TASP1: variants seen among roughly 807,000 people sequenced by gnomAD.
TASP1 encodes taspase 1.
A neutral mutation model predicts 56.6 loss-of-function variants in TASP1; 16 were observed. The ratio of observed to expected loss-of-function variants is 0.28; its 90% CI spans 0.19 to 0.43. TASP1 has a LOEUF of 0.43. TASP1 is among the 20% of genes least tolerant of loss of function. TASP1 has a pLI of 1.00. For missense variants in TASP1, 393 were observed against 511.6 expected (o/e 0.77, Z 2.24); for synonymous variants, 179 against 184.2 (o/e 0.97, Z 0.23).
At chr20:13,475,819 C>T (rs2044705080) in intron 11 of TASP1, among the ~76,000 whole-genome samples, 1 of 151,894 alleles carries the variant, frequency 6.6e-6, no homozygotes. Flanking sequence ...TCACTTGAAC[C>T]CTGGAGGCGG....
At chr20:13,400,841 A>T (rs756285473) in intron 13 of TASP1, among the ~76,000 whole-genome samples, 1 of 152,240 alleles carries the variant, frequency 6.6e-6, no homozygotes, top group Non-Finnish European at 1.5e-5. Context: ...CATACATTGT[A>T]ACTATCACAA....
chr20:13,453,748 C>T (rs1385779576), intron 11 of TASP1, among the ~76,000 whole-genome samples: 2 of 152,014 alleles, frequency 1.3e-5, no homozygotes, highest in African/African-American at 4.8e-5. Flanking sequence ...CTGATGGTCC[C>T]AGGTCACAGG....
At position 13,390,275 on chromosome 20, in the gene TASP1, G is replaced by T; in HGVS notation, c.*85C>A. ...GCAATAGGAATTATAAAACAAGAAA[G>T]ATAAAACAACCAACTTCAGTTAAAA... On this transcript the variant is annotated 3_prime_UTR_variant, in exon 14 of 14. Transcript: ENST00000337743. 8.0e-7 allele frequency: 1 copy of T among 1,245,508 alleles called. No individual in the cohort carries two copies. The highest frequency in any genetic ancestry group is 1.1e-6 in the Non-Finnish European group (1 of 871,666). 77.2% of individuals were successfully genotyped at this position (1,245,508 alleles called of 1,614,324 possible). A position where few individuals can be genotyped will look rare whatever the true frequency, so the allele number is the denominator to read the frequency against.
chr20:13,404,486 G>A (rs2041846683), intron 13 of TASP1, among the ~76,000 whole-genome samples: 1 of 152,140 alleles, frequency 6.6e-6, no homozygotes, highest in African/African-American at 2.4e-5. Context: ...TGTACCTATA[G>A]TCTTAGCTAC....
chr20:13,267,151 A>G, the TASP1 span, among the ~76,000 whole-genome samples: 49 of 152,148 alleles, frequency 3.2e-4, no homozygotes, highest in Non-Finnish European at 6.0e-4. Context: ...CAATTTCTTA[A>G]CAGCTTGGGG....
intron 10 of TASP1, among the ~76,000 whole-genome samples, chr20:13,494,469 AAACTT>A (rs2043649269): frequency 6.6e-6 from 1 of 152,208 alleles, no homozygotes; most frequent in South Asian, 2.1e-4. Context: ...CAATTATAGA[AAACTT>A]AATTTTTTTA....
At chr20:13,137,982 C>G in the TASP1 span, among the ~76,000 whole-genome samples, 1 of 152,154 alleles carries the variant, frequency 6.6e-6, no homozygotes, top group Non-Finnish European at 1.5e-5. Flanking sequence ...GGACTCAGAA[C>G]AGCTTGGGGA....
rs546131577 is a variant in TASP1, at chr20:13,622,960, T to C, written c.282+486A>G. On this transcript the variant is annotated intron_variant, in intron 4 of 13. Coordinates refer to ENST00000337743, the MANE Select transcript of TASP1 (RefSeq NM_017714.3). ...AGCCTCCCCACTCAATTATTCGATG[T>C]CCACAGTAAACTGGGGACAAACCTA... Among the ~76,000 whole-genome samples, 4 of 152,236 alleles carry C rather than the reference T, an allele frequency of 2.6e-5. No homozygotes were observed. In the South Asian group the frequency reaches 8.3e-4, roughly 32 times the overall value.
the TASP1 span, among the ~76,000 whole-genome samples, chr20:13,331,662 T>G: frequency 6.8e-6 from 1 of 147,642 alleles, no homozygotes; most frequent in Non-Finnish European, 1.5e-5. Flanking sequence ...GTTTTGGGGG[T>G]TTTTTTGTGG....
At chr20:13,131,179 G>T in the TASP1 span, among the ~76,000 whole-genome samples, 1 of 152,086 alleles carries the variant, frequency 6.6e-6, no homozygotes, top group African/African-American at 2.4e-5. Flanking sequence ...TTAAATCTTC[G>T]ATGTATATTT....
chr20:13,619,037 G>A (rs1206939556), intron 4 of TASP1, among the ~76,000 whole-genome samples: 24 of 152,028 alleles, frequency 1.6e-4, no homozygotes, highest in Admixed American at 1.6e-3. Context: ...ACAATGCCCA[G>A]CTAAATTTTG....
the TASP1 span, among the ~76,000 whole-genome samples, chr20:13,335,324 G>GCA: frequency 0.053 from 7,478 of 141,534 alleles, 197 homozygotes; most frequent in Non-Finnish European, 0.064. Flanking sequence ...CCTCACCTAT[G>GCA]CACACACACA....
intron 8 of TASP1, among the ~76,000 whole-genome samples, chr20:13,557,274 A>G (rs2046188883): frequency 6.6e-6 from 1 of 152,224 alleles, no homozygotes; most frequent in South Asian, 2.1e-4. Context: ...TTAATCAGTA[A>G]TAAAAAAGAA....
chr20:13,523,073 G>A (rs978783156), intron 10 of TASP1, among the ~76,000 whole-genome samples: 2 of 152,120 alleles, frequency 1.3e-5, no homozygotes, highest in African/African-American at 4.8e-5. Flanking sequence ...AGTCCTGACT[G>A]AAGTAGAATA....
At chr20:13,434,659 A>C (rs1156340831) in intron 12 of TASP1, among the ~76,000 whole-genome samples, 1 of 152,120 alleles carries the variant, frequency 6.6e-6, no homozygotes, top group Non-Finnish European at 1.5e-5. Flanking sequence ...GTAGCTCTTC[A>C]CATGCTTCTC....
chr20:13,405,543 T>C (rs6109860), intron 13 of TASP1, among the ~76,000 whole-genome samples: 2,538 of 152,162 alleles, frequency 0.017, 73 homozygotes, highest in African/African-American at 0.056. Context: ...GTTTATTTAA[T>C]TTAATTAATT....
chr20:13,523,271 C>A (rs1466956151), intron 10 of TASP1, among the ~76,000 whole-genome samples: 1 of 152,156 alleles, frequency 6.6e-6, no homozygotes, highest in South Asian at 2.1e-4. Flanking sequence ...CTGTGACACA[C>A]AGAGTACAAG....
intron 12 of TASP1, among the ~76,000 whole-genome samples, chr20:13,427,714 C>T (rs140270061): frequency 5.1e-4 from 78 of 152,106 alleles, no homozygotes; most frequent in African/African-American, 1.8e-3. Context: ...GGTGGCAGGT[C>T]CACAGGTGTT....
chr20:13,189,555 G>C, the TASP1 span, among the ~76,000 whole-genome samples: 1 of 151,994 alleles, frequency 6.6e-6, no homozygotes, highest in African/African-American at 2.4e-5. Context: ...ATGAAAAAAC[G>C]CTCAACATCA....
Sources: allele counts gnomAD v4.1 joint callset (sites outside exome capture counted in the v4.1 genomes callset), GRCh38; gene constraint gnomAD v4.1.1; transcripts MANE v1.5; gene names NCBI Gene and HGNC (gene_info 2026-07-23, HGNC 2026-07-21).